KIAA0586: variants seen among roughly 807,000 people sequenced by gnomAD.
KIAA0586 encodes the protein protein TALPID3.
In KIAA0586, 144 loss-of-function variants were observed where a neutral mutation model predicts 169.8. The ratio of observed to expected loss-of-function variants is 0.85; its 90% confidence interval spans 0.74 to 0.97. The LOEUF is 0.97. Among genes scored for constraint, KIAA0586 ranks in the 50% least tolerant of loss-of-function variants. The pLI is 0.00. For synonymous variants in KIAA0586, 625 were observed against 612.4 expected (o/e 1.02, Z -0.30); for missense variants, 1,854 against 1,823.0 (o/e 1.02, Z -0.31).
In KIAA0586 at chr14:58,429,453, A is replaced by G; in HGVS notation, c.270+20A>G. 6.5e-6 allele frequency: 9 copies of G among 1,387,536 alleles called. No homozygotes were observed. The South Asian group carries it at 9.3e-5, about 14-fold the overall frequency. The allele number at this position is 1,387,536 out of a possible 1,614,324, so 86.0% of individuals were successfully genotyped here. A position where few individuals can be genotyped will look rare whatever the true frequency, so the allele number is the denominator to read the frequency against. On this transcript the variant is annotated intron_variant, in intron 2 of 30. Transcript: ENST00000652326. ...GAAAGTGTAAGCAAAAGGATTCTTA[A>G]TTATGCTCACGTTAAAATTTTCAGT... is the stretch of plus-strand genomic sequence containing the variant.
intron 29 of KIAA0586, among the ~76,000 whole-genome samples, chr14:58,537,657 T>G (rs1470680000): frequency 6.7e-6 from 1 of 148,376 alleles, no homozygotes; most frequent in Non-Finnish European, 1.5e-5. Flanking sequence ...GCACTTTTCT[T>G]TTTTTTTTGA....
At chr14:58,472,559 C>G (rs1214598195) in intron 18 of KIAA0586, among the ~76,000 whole-genome samples, 1 of 152,048 alleles carries the variant, frequency 6.6e-6, no homozygotes, top group African/African-American at 2.4e-5. Flanking sequence ...CTTCCTTTGG[C>G]TTCTTTTCCT....
rs1303684152 is a variant in KIAA0586, at chr14:58,442,807, G to C, written c.512G>C (p.Ser171Thr). 6.2e-7 allele frequency: 1 copy of C among 1,609,804 alleles called. No individual in the cohort carries two copies. The highest frequency in any genetic ancestry group is 1.7e-5 in the Admixed American group (1 of 59,398). ...AVTQETRISP[S>T]GIDSATTVAA... Reference sequence around the variant, plus strand: ...ACTCAGGAGACTAGAATTTCACCCAGTGGAATTGATTCAGCTACAACCGTG... The same window carrying C: ...ACTCAGGAGACTAGAATTTCACCCACTGGAATTGATTCAGCTACAACCGTG... The change falls in exon 5 of 31, where the codon AGT (serine) becomes ACT (threonine). Residue 171 changes from serine (S) to threonine (T), a missense_variant. Ser to Thr is a moderately conservative substitution (Grantham distance 58). Transcript: ENST00000652326.
intron 27 of KIAA0586, among the ~76,000 whole-genome samples, chr14:58,505,869 AT>A (rs1276106756): frequency 6.6e-6 from 1 of 152,112 alleles, no homozygotes; most frequent in East Asian, 1.9e-4. Flanking sequence ...GCTCATTGAC[AT>A]TGTTGATGAT....
Position 58,482,542 on chromosome 14 carries a change from C to G in KIAA0586, c.2974C>G (p.Leu992Val). The change falls in exon 21 of 31, where the codon CTT becomes GTT. Residue 992 changes from leucine to valine, a missense_variant. Physicochemically the swap from Leu to Val is conservative, Grantham distance 32 (BLOSUM62 1). Coordinates refer to ENST00000652326, the MANE Select transcript of KIAA0586 (RefSeq NM_001329943.3). ...AGGAACAAGCAGTGGCGCCCTCCAG[C>G]TTTTTGTTGATGCTGGTGTTCCTGT... is the stretch of plus-strand genomic sequence containing the variant. ...VEGTSSGALQ[L>V]FVDAGVPVNS... 1 of 1,554,294 alleles carries G rather than the reference C, an allele frequency of 6.4e-7. No homozygotes were observed. Among genetic ancestry groups the G allele is most frequent in the Non-Finnish European group, 8.7e-7 (1 of 1,147,606 alleles).
chr14:58,457,894 GT>G lies in KIAA0586; in HGVS notation c.1499del (p.Val500AspfsTer79). On this transcript the variant is annotated frameshift_variant, in exon 11 of 31. Coordinates refer to ENST00000652326, the MANE Select transcript of KIAA0586 (RefSeq NM_001329943.3). LOFTEE classifies it high-confidence loss of function. ...GAGAGGAGTACAAAACAATAAAAAA[GT>G]ACTTGAAGAAAACCTGGAAGCTATT... Reference protein sequence around the residue: ...ILRGVQNNKKVLEENLEAIIR... With the variant: ...ILRGVQNNKKXLEENLEAIIR... 3 of 1,606,954 alleles carry G rather than the reference GT, an allele frequency of 1.9e-6. No homozygotes were observed. Among genetic ancestry groups the G allele is most frequent in the Non-Finnish European group, 2.6e-6 (3 of 1,176,346 alleles).
chr14:58,456,609 A>C, intron 9 of KIAA0586, 93 bp from the exon 10 acceptor site: 1 of 685,420 alleles, frequency 1.5e-6, no homozygotes, highest in African/African-American at 1.8e-5. Flanking sequence ...ACTGTATCAA[A>C]GATTTGTGTA....
chr14:58,482,511 A>C lies in KIAA0586; in HGVS notation c.2945-2A>C, dbSNP rs750692786. 7 of 1,458,154 alleles carry C rather than the reference A, an allele frequency of 4.8e-6. No individual in the cohort carries two copies. The East Asian group carries it at 1.5e-4, about 32-fold the overall frequency. The allele number at this position is 1,458,154 out of a possible 1,614,324, so 90.3% of individuals were successfully genotyped here. A position where few individuals can be genotyped will look rare whatever the true frequency, so the allele number is the denominator to read the frequency against. ...ATTCTGATTTTTTTTTTTTACTTTT[A>C]GTGGAAGGAACAAGCAGTGGCGCCC... On this transcript the variant is annotated splice_acceptor_variant, in intron 20 of 30. Transcript: ENST00000652326. LOFTEE classifies it high-confidence loss of function.
At position 58,551,269 on chromosome 14, in the gene KIAA0586, G is replaced by A. The variant is rs911332428; in HGVS notation, c.*3337G>A. 2.6e-5 allele frequency: 4 copies of A among 152,160 alleles called. No individual in the cohort carries two copies. In the East Asian group the frequency reaches 7.7e-4, roughly 29 times the overall value. 9.4% of individuals were successfully genotyped at this position (152,160 alleles called of 1,614,324 possible). ...TCTTTGTATACTTTAATAGAATCTT[G>A]AATAAATATTTTTATTCTTAGAAGA... On this transcript the variant is annotated 3_prime_UTR_variant, in exon 31 of 31. Transcript: ENST00000652326.
At chr14:58,429,551 C>A in intron 2 of KIAA0586, 118 bp downstream of exon 2, 1 of 702,294 alleles carries the variant, frequency 1.4e-6, no homozygotes, top group Non-Finnish European at 2.6e-6. Context: ...TATCACTTAC[C>A]AAAACAAATG....
chr14:58,432,051 T>A (rs1272913051), intron 3 of KIAA0586, among the ~76,000 whole-genome samples: 1 of 152,192 alleles, frequency 6.6e-6, no homozygotes, highest in Non-Finnish European at 1.5e-5. Flanking sequence ...ACTTTTTGGA[T>A]GCCTTTTCTT....
In KIAA0586 at chr14:58,428,107, C is replaced by T. The variant is rs994027981; in HGVS notation, c.-158C>T. The stretch of plus-strand genomic sequence containing the variant: ...ATATGACTTTATAGTCAGCTCTAAT[C>T]CTGGATTCAATATCAGAATTTAGAT... On this transcript the variant is annotated 5_prime_UTR_variant, in exon 1 of 31. Transcript: ENST00000652326. 5 of 1,461,032 alleles carry T rather than the reference C, an allele frequency of 3.4e-6. No individual in the cohort carries two copies. Among genetic ancestry groups the T allele is most frequent in the African/African-American group, 1.4e-5 (1 of 69,840 alleles). 90.5% of individuals were successfully genotyped at this position (1,461,032 alleles called of 1,614,324 possible). A position where few individuals can be genotyped will look rare whatever the true frequency, so the allele number is the denominator to read the frequency against.
the KIAA0586 span, among the ~76,000 whole-genome samples, chr14:58,559,131 C>T: frequency 6.6e-6 from 1 of 152,240 alleles, no homozygotes. Context: ...GTTGACATCT[C>T]TTTCAGGCTT....
chr14:58,439,623 G>A (rs1414056206), intron 4 of KIAA0586, among the ~76,000 whole-genome samples: 1 of 152,198 alleles, frequency 6.6e-6, no homozygotes, highest in Non-Finnish European at 1.5e-5. Flanking sequence ...ATAATTCTAT[G>A]ACACTCTTCA....
rs752145751 is a variant in KIAA0586, at chr14:58,461,037, G to A, written c.1936G>A (p.Val646Ile). ...VIQDEDYMLQ[V>I]YGKPVYQGHR... ...ACAAGATGAAGATTATATGTTACAAGTCTATGGAAAGCCAGTTTATCAGGG... is the reference window on the plus strand; with the variant it reads ...ACAAGATGAAGATTATATGTTACAAATCTATGGAAAGCCAGTTTATCAGGG... The change falls in exon 14 of 31, where the codon GTC (valine) becomes ATC (isoleucine). Residue 646 changes from valine (V) to isoleucine (I), a missense_variant. By Grantham distance (29) the Val-to-Ile change is conservative. Transcript: ENST00000652326. 5 of 1,612,200 alleles carry A rather than the reference G, an allele frequency of 3.1e-6. No individual in the cohort carries two copies. Among genetic ancestry groups the A allele is most frequent in the South Asian group, 1.1e-5 (1 of 90,834 alleles).
chr14:58,532,574 A>G (rs1313991364), intron 29 of KIAA0586, among the ~76,000 whole-genome samples: 3 of 150,790 alleles, frequency 2.0e-5, no homozygotes, highest in African/African-American at 7.5e-5. Context: ...TATTATTATT[A>G]TAAGAGCAAA....
At chr14:58,557,928 T>TTTTAA in the KIAA0586 span, among the ~76,000 whole-genome samples, 1 of 127,308 alleles carries the variant, frequency 7.9e-6, no homozygotes, top group South Asian at 2.8e-4. Context: ...TTTTTTTTTT[T>TTTTAA]GAGACAGGGT....
intron 25 of KIAA0586, among the ~76,000 whole-genome samples, chr14:58,490,700 C>T (rs1219720496): frequency 6.6e-6 from 1 of 151,974 alleles, no homozygotes; most frequent in Non-Finnish European, 1.5e-5. Context: ...TAGTTTTTAT[C>T]TAGCTCTGTA....
intron 7 of KIAA0586, among the ~76,000 whole-genome samples, chr14:58,448,965 T>C (rs906206142): frequency 1.3e-5 from 2 of 152,240 alleles, no homozygotes; most frequent in Non-Finnish European, 2.9e-5. Context: ...TCAGAATTAG[T>C]AATGCAAGTC....
Sources: allele counts gnomAD v4.1 joint callset (sites outside exome capture counted in the v4.1 genomes callset), GRCh38; gene constraint gnomAD v4.1.1; transcripts MANE v1.5; gene names NCBI Gene and HGNC (gene_info 2026-07-23, HGNC 2026-07-21).